The following CCDC88C variants were observed in gnomAD, a reference collection of about 807,000 sequenced individuals.
The protein encoded by CCDC88C is protein Daple.
CCDC88C carries 131 observed loss-of-function variants against 198.8 expected under a neutral mutation model. The ratio of observed to expected loss-of-function variants is 0.66; its 90% CI spans 0.57 to 0.76. CCDC88C has a LOEUF of 0.76. Among genes scored for constraint, CCDC88C ranks in the 30% least tolerant of loss-of-function variants. The pLI is 0.00. For synonymous variants in CCDC88C, 1,166 were observed against 1,114.7 expected, an observed-to-expected ratio of 1.05 and a Z score of -0.92; for missense variants, 2,553 against 2,631.6, an observed-to-expected ratio of 0.97 and a Z score of 0.65.
chr14:91,385,025 G>A (rs1007481730), intron 3 of CCDC88C, among the ~76,000 whole-genome samples: 4 of 152,174 alleles, frequency 2.6e-5, no homozygotes, highest in South Asian at 2.1e-4. Context: ...TCAGATCCCT[G>A]GAAGCCTTTT....
chr14:91,334,641 G>A (rs1045067368), intron 10 of CCDC88C, among the ~76,000 whole-genome samples: 5 of 149,426 alleles, frequency 3.3e-5, no homozygotes, highest in African/African-American at 4.9e-5. Context: ...AATATGCATC[G>A]CCACACCCTG....
chr14:91,416,334 T>C (rs1051273488), intron 2 of CCDC88C, among the ~76,000 whole-genome samples: 3 of 152,196 alleles, frequency 2.0e-5, no homozygotes, highest in Non-Finnish European at 2.9e-5. Flanking sequence ...AATGAAACTT[T>C]ACAGTAACCC....
intron 3 of CCDC88C, among the ~76,000 whole-genome samples, chr14:91,400,192 A>C (rs1376021095): frequency 2.0e-5 from 3 of 152,168 alleles, no homozygotes; most frequent in African/African-American, 7.2e-5. Context: ...GGAGAGGACA[A>C]GAAAGAGAAA....
At chr14:91,357,568 G>A (rs911104706) in intron 4 of CCDC88C, among the ~76,000 whole-genome samples, 3 of 152,118 alleles carry the variant, frequency 2.0e-5, no homozygotes, top group South Asian at 2.1e-4. Flanking sequence ...CAGGGCAGAC[G>A]GAGTGGCTGT....
At chr14:91,283,666 A>C in intron 25 of CCDC88C, 149 bp from the exon 26 acceptor site, 3 of 735,768 alleles carry the variant, frequency 4.1e-6, no homozygotes, top group Non-Finnish European at 6.6e-6. Flanking sequence ...TGCAACTTAA[A>C]TGGGGCCTGG....
chr14:91,324,835 G>C lies in CCDC88C; in HGVS notation c.1286C>G (p.Ser429Cys). Residue 429 changes from serine (S) to cysteine (C), a missense_variant, in exon 12 of 30, where the codon TCT (serine) becomes TGT (cysteine). By Grantham distance (112) the Ser-to-Cys change is moderately radical (BLOSUM62 -1). Coordinates refer to ENST00000389857, the MANE Select transcript of CCDC88C (RefSeq NM_001080414.4). ...EIAQKQSMNESAHLGWELEQL... is the reference protein window; with the variant it reads ...EIAQKQSMNECAHLGWELEQL... ...CTCCAGCTCCCAGCCAAGGTGGGCA[G>C]ATTCGTTCATGCTCTGCTTCTGTGC... 6.2e-7 allele frequency: 1 copy of C among 1,613,648 alleles called. No individual in the cohort carries two copies. Among genetic ancestry groups the C allele is most frequent in the Admixed American group, 1.7e-5 (1 of 60,032 alleles).
intron 15 of CCDC88C, among the ~76,000 whole-genome samples, chr14:91,311,969 T>A (rs866212742): frequency 4.6e-5 from 7 of 151,192 alleles, no homozygotes; most frequent in Admixed American, 3.9e-4. Flanking sequence ...AAAATAAATT[T>A]AAAAAAAACT....
chr14:91,387,321 T>C (rs527492724), intron 3 of CCDC88C, among the ~76,000 whole-genome samples: 140 of 152,282 alleles, frequency 9.2e-4, no homozygotes, highest in African/African-American at 3.2e-3. Context: ...CGGGTTGTCA[T>C]GGAGAGTGCC....
At chr14:91,362,338 G>A (rs1198283863) in intron 3 of CCDC88C, among the ~76,000 whole-genome samples, 1 of 152,056 alleles carries the variant, frequency 6.6e-6, no homozygotes, top group Non-Finnish European at 1.5e-5. Flanking sequence ...TCCAACTCTT[G>A]GCTAGCTTTC....
chr14:91,292,133 G>A (rs527840073), intron 23 of CCDC88C, among the ~76,000 whole-genome samples: 31 of 152,196 alleles, frequency 2.0e-4, no homozygotes, highest in African/African-American at 7.5e-4. Flanking sequence ...CTCACGGTGA[G>A]GTGAGCCCCT....
At chr14:91,415,196 G>C (rs17127363) in intron 2 of CCDC88C, among the ~76,000 whole-genome samples, 1 of 152,072 alleles carries the variant, frequency 6.6e-6, no homozygotes, top group Non-Finnish European at 1.5e-5. Context: ...CAGAATGAGG[G>C]GAGAGTGGCC....
chr14:91,345,076 G>A (rs1266505446), intron 4 of CCDC88C, among the ~76,000 whole-genome samples: 1 of 148,422 alleles, frequency 6.7e-6, no homozygotes, highest in Non-Finnish European at 1.5e-5. Context: ...TCACACGTGT[G>A]AGCCACTGCA....
At chr14:91,388,214 G>C (rs1885265794) in intron 3 of CCDC88C, among the ~76,000 whole-genome samples, 1 of 152,330 alleles carries the variant, frequency 6.6e-6, no homozygotes, top group Non-Finnish European at 1.5e-5. Context: ...GAGACGGCCA[G>C]GGTGTGAAGG....
At chr14:91,315,472 C>A (rs1360679781) in intron 14 of CCDC88C, among the ~76,000 whole-genome samples, 178 bp downstream of exon 14, 1 of 152,188 alleles carries the variant, frequency 6.6e-6, no homozygotes. Flanking sequence ...AGGCAAAATT[C>A]ACCCCACCTT....
At chr14:91,296,746 G>A (rs1389529300) in intron 22 of CCDC88C, among the ~76,000 whole-genome samples, 4 of 152,196 alleles carry the variant, frequency 2.6e-5, no homozygotes, top group African/African-American at 9.6e-5. Flanking sequence ...CTGTCTAGGA[G>A]GTGGGGTGAG....
chr14:91,329,205 ACTTAAAC>A (rs1892708763), intron 10 of CCDC88C, among the ~76,000 whole-genome samples: 1 of 152,188 alleles, frequency 6.6e-6, no homozygotes, highest in Non-Finnish European at 1.5e-5. Flanking sequence ...AGCATGGGGG[ACTTAAAC>A]CTTAAACCAA....
chr14:91,354,002 ATCTGTGCAATTTATGGT>A (rs1267259904), intron 4 of CCDC88C, among the ~76,000 whole-genome samples: 2 of 152,162 alleles, frequency 1.3e-5, no homozygotes, highest in Admixed American at 6.5e-5. Context: ...AAAAGTAACC[ATCTGTGCAATTTATGGT>A]GTGAAATCTG....
At position 91,272,549 on chromosome 14, in the gene CCDC88C, C is replaced by G. The variant is rs1343011630; in HGVS notation, c.*76G>C. 11 of 1,460,952 alleles carry G rather than the reference C, an allele frequency of 7.5e-6. No homozygotes were observed. The highest frequency in any genetic ancestry group is 9.2e-6 in the Non-Finnish European group (10 of 1,081,948). The allele number at this position is 1,460,952 out of a possible 1,614,324, so 90.5% of individuals were successfully genotyped here. A position where few individuals can be genotyped will look rare whatever the true frequency, so the allele number is the denominator to read the frequency against. Reference sequence around the variant, plus strand: ...CCAAACCCTCTCCTGGCACCGCAGGCAAGCAAGAGAAAAGGCCGTGAGAGT... The same window carrying G: ...CCAAACCCTCTCCTGGCACCGCAGGGAAGCAAGAGAAAAGGCCGTGAGAGT... On this transcript the variant is annotated 3_prime_UTR_variant, in exon 30 of 30. Coordinates refer to ENST00000389857, the MANE Select transcript of CCDC88C (RefSeq NM_001080414.4).
intron 4 of CCDC88C, among the ~76,000 whole-genome samples, chr14:91,355,889 G>C (rs1027983561): frequency 4.6e-5 from 7 of 152,070 alleles, no homozygotes; most frequent in African/African-American, 1.4e-4. Context: ...GCTCTGTTGG[G>C]ATCTGGAATC....
Sources: allele counts gnomAD v4.1 joint callset (sites outside exome capture counted in the v4.1 genomes callset), GRCh38; gene constraint gnomAD v4.1.1; transcripts MANE v1.5; gene names NCBI Gene and HGNC (gene_info 2026-07-23, HGNC 2026-07-21).